The following CNTN4 variants were observed in gnomAD, a reference collection of about 807,000 sequenced individuals.
CNTN4 encodes contactin 4, also known as contactin-4.
In CNTN4, 77 loss-of-function variants were observed where a neutral mutation model predicts 122.5. The ratio of observed to expected loss-of-function variants is 0.63; its 90% CI spans 0.52 to 0.76. The LOEUF (loss-of-function observed/expected upper bound fraction) is 0.76. Ranked by LOEUF, CNTN4 falls within the 30% of genes least tolerant of loss-of-function variation. The pLI is 0.00. For missense variants in CNTN4, 1,256 were observed against 1,259.1 expected (o/e 1.00, Z 0.04); for synonymous variants, 512 against 447.0 (o/e 1.15, Z -1.83).
At chr3:2,546,762 C>A (rs2078262792) in intron 3 of CNTN4, among the ~76,000 whole-genome samples, 1 of 152,024 alleles carries the variant, frequency 6.6e-6, no homozygotes, top group Non-Finnish European at 1.5e-5. Context: ...ATAAATACTT[C>A]AGCAGAGTAG....
At chr3:3,040,382 C>T (rs1700043413) in intron 20 of CNTN4, 111 bp downstream of exon 20, 1 of 826,748 alleles carries the variant, frequency 1.2e-6, no homozygotes, top group Non-Finnish European at 2.0e-6. Flanking sequence ...TGAAGGCATA[C>T]CTGATTTGAG....
At chr3:2,174,509 G>A (rs144347382) in intron 2 of CNTN4, among the ~76,000 whole-genome samples, 2 of 152,184 alleles carry the variant, frequency 1.3e-5, no homozygotes, top group African/African-American at 4.8e-5. Context: ...GGGTGTAAAG[G>A]ACCAAGGAAC....
chr3:2,286,553 T>C (rs2041910120), intron 2 of CNTN4, among the ~76,000 whole-genome samples: 1 of 152,066 alleles, frequency 6.6e-6, no homozygotes, highest in Non-Finnish European at 1.5e-5. Context: ...ATATGTTAAG[T>C]GGTGTTTAAG....
At chr3:2,782,293 G>C (rs553462294) in intron 6 of CNTN4, among the ~76,000 whole-genome samples, 46 of 113,238 alleles carry the variant, frequency 4.1e-4, no homozygotes, top group African/African-American at 1.2e-3. Context: ...GATGGTAGGT[G>C]GGGGGGGGCC....
intron 4 of CNTN4, among the ~76,000 whole-genome samples, chr3:2,635,628 C>G (rs554554916): frequency 6.6e-6 from 1 of 152,332 alleles, no homozygotes; most frequent in South Asian, 2.1e-4. Flanking sequence ...AGGCACCACC[C>G]AGCATCTGCC....
intron 13 of CNTN4, among the ~76,000 whole-genome samples, chr3:2,948,004 C>T (rs1483790370): frequency 6.6e-6 from 1 of 151,776 alleles, no homozygotes; most frequent in Non-Finnish European, 1.5e-5. Flanking sequence ...AAAAAAAAAA[C>T]TCATACGAGG....
intron 3 of CNTN4, among the ~76,000 whole-genome samples, chr3:2,457,841 G>A (rs1353875023): frequency 6.6e-6 from 1 of 152,076 alleles, no homozygotes; most frequent in Non-Finnish European, 1.5e-5. Context: ...GTGAGATCCT[G>A]TCTGTTAACT....
intron 3 of CNTN4, among the ~76,000 whole-genome samples, chr3:2,458,609 C>T (rs985039855): frequency 8.6e-5 from 13 of 150,362 alleles, no homozygotes; most frequent in Admixed American, 8.0e-4. Context: ...TCTAATGAGC[C>T]TTTCAAGAAT....
chr3:2,311,374 T>G (rs901467888), intron 2 of CNTN4, among the ~76,000 whole-genome samples: 9 of 152,138 alleles, frequency 5.9e-5, no homozygotes, highest in African/African-American at 2.2e-4. Flanking sequence ...GCTTCATTAT[T>G]TTTCTTGTAG....
intron 4 of CNTN4, among the ~76,000 whole-genome samples, chr3:2,729,340 G>C (rs572723843): frequency 1.3e-5 from 2 of 151,302 alleles, no homozygotes; most frequent in Non-Finnish European, 2.9e-5. Flanking sequence ...CAAGGCGGGC[G>C]GATCACGAGG....
intron 3 of CNTN4, among the ~76,000 whole-genome samples, chr3:2,358,041 C>T (rs2044946876): frequency 6.6e-6 from 1 of 152,190 alleles, no homozygotes; most frequent in African/African-American, 2.4e-5. Flanking sequence ...TTGGGAACAC[C>T]TGTGTACCCC....
At chr3:2,512,816 G>T (rs2076927908) in intron 3 of CNTN4, among the ~76,000 whole-genome samples, 2 of 152,112 alleles carry the variant, frequency 1.3e-5, no homozygotes, top group Non-Finnish European at 2.9e-5. Context: ...TCCAGAGTGG[G>T]AAATACAGTT....
chr3:3,037,134 T>G, intron 17 of CNTN4, 45 bp from the exon 18 acceptor site: 1 of 1,609,120 alleles, frequency 6.2e-7, no homozygotes, highest in Non-Finnish European at 8.5e-7. Flanking sequence ...TGCATTTGTT[T>G]TCTGAGAACC....
intron 2 of CNTN4, among the ~76,000 whole-genome samples, chr3:2,275,740 T>A (rs536940961): frequency 6.6e-6 from 1 of 151,866 alleles, no homozygotes; most frequent in Non-Finnish European, 1.5e-5. Context: ...GCCAACATGA[T>A]GAAACCCCGT....
At chr3:2,784,077 A>C (rs2091713487) in intron 6 of CNTN4, among the ~76,000 whole-genome samples, 1 of 152,200 alleles carries the variant, frequency 6.6e-6, no homozygotes, top group Non-Finnish European at 1.5e-5. Flanking sequence ...TATCTTTACT[A>C]TATTACCTGC....
chr3:2,729,071 T>C (rs564737613), intron 4 of CNTN4, among the ~76,000 whole-genome samples: 9 of 152,318 alleles, frequency 5.9e-5, no homozygotes, highest in African/African-American at 2.2e-4. Context: ...GAAATCATAA[T>C]ATTGCATTTT....
intron 19 of CNTN4, chr3:3,039,552 C>A: frequency 5.5e-6 from 1 of 182,418 alleles, no homozygotes; most frequent in South Asian, 1.2e-4. Context: ...AAATTAAAAT[C>A]TCTCATTTAC....
intron 4 of CNTN4, among the ~76,000 whole-genome samples, chr3:2,695,641 C>G (rs73005958): frequency 0.15 from 22,298 of 152,092 alleles, 2,318 homozygotes; most frequent in South Asian, 0.44. Flanking sequence ...AGAAGACGAA[C>G]AGAGCATAAT....
At chr3:2,752,571 G>A (rs1251625004) in intron 6 of CNTN4, among the ~76,000 whole-genome samples, 1 of 152,046 alleles carries the variant, frequency 6.6e-6, no homozygotes, top group African/African-American at 2.4e-5. Context: ...CACCGGCCTC[G>A]AACTCCTGAC....
Sources: allele counts gnomAD v4.1 joint callset (sites outside exome capture counted in the v4.1 genomes callset), GRCh38; gene constraint gnomAD v4.1.1; transcripts MANE v1.5; gene names NCBI Gene and HGNC (gene_info 2026-07-23, HGNC 2026-07-21).